The following VPS13B variants were observed in gnomAD, a reference collection of about 807,000 sequenced individuals.
VPS13B encodes vacuolar protein sorting 13 homolog B, also known as intermembrane lipid transfer protein VPS13B.
VPS13B carries 285 observed loss-of-function variants against 426.4 expected under a neutral mutation model. The ratio of observed to expected loss-of-function variants is 0.67; its 90% confidence interval spans 0.61 to 0.74. VPS13B has a LOEUF of 0.74. Among genes scored for constraint, VPS13B ranks in the 30% least tolerant of loss-of-function variants. VPS13B has a pLI of 0.00. For synonymous variants in VPS13B, 1,676 were observed against 1,676.4 expected, an observed-to-expected ratio of 1.00 and a Z score of 0.01; for missense variants, 4,537 against 4,782.6, an observed-to-expected ratio of 0.95 and a Z score of 1.51.
At chr8:99,764,339 C>A (rs1039914091) in intron 39 of VPS13B, among the ~76,000 whole-genome samples, 1 of 151,900 alleles carries the variant, frequency 6.6e-6, no homozygotes, top group Non-Finnish European at 1.5e-5. Context: ...ATAGGATTAA[C>A]CCACATGTTC....
intron 32 of VPS13B, 93 bp from the exon 33 acceptor site, chr8:99,577,397 C>A: frequency 1.3e-6 from 2 of 1,569,134 alleles, no homozygotes; most frequent in Non-Finnish European, 1.7e-6. Flanking sequence ...GGAAATGTCA[C>A]CAAAGTAGTG....
At position 99,732,125 on chromosome 8, in the gene VPS13B, A is replaced by G. The variant is rs1290552214; in HGVS notation, c.7050+11078A>G. On this transcript the variant is annotated intron_variant, in intron 39 of 61. Coordinates refer to ENST00000357162, the MANE Select transcript of VPS13B (RefSeq NM_152564.5). Reference sequence around the variant, plus strand: ...GACACTGCTGGGGCTTTTCAGCTCTATGTCAATTAGTATTAGGTTTAGATA... The same window carrying G: ...GACACTGCTGGGGCTTTTCAGCTCTGTGTCAATTAGTATTAGGTTTAGATA... Among the ~76,000 whole-genome samples the G allele has an allele frequency of 3.9e-5, 6 of 152,350 alleles. No individual in the cohort carries two copies. In the East Asian group the frequency reaches 1.2e-3, roughly 29 times the overall value.
At chr8:99,050,532 T>C (rs1587964576) in intron 3 of VPS13B, among the ~76,000 whole-genome samples, 1 of 152,238 alleles carries the variant, frequency 6.6e-6, no homozygotes, top group Non-Finnish European at 1.5e-5. Flanking sequence ...TGATTTATAA[T>C]ACTTTGGGCA....
At chr8:99,594,295 T>C (rs1445424496) in intron 33 of VPS13B, among the ~76,000 whole-genome samples, 3 of 151,944 alleles carry the variant, frequency 2.0e-5, no homozygotes, top group Non-Finnish European at 4.4e-5. Flanking sequence ...GCCTTGGACA[T>C]GTTACTTTAA....
intron 21 of VPS13B, among the ~76,000 whole-genome samples, chr8:99,421,948 C>G (rs770098507): frequency 3.9e-5 from 6 of 152,060 alleles, no homozygotes; most frequent in Non-Finnish European, 7.4e-5. Context: ...TCCCAAGGTG[C>G]TGGGATTACA....
chr8:99,090,545 T>G (rs1167918718), intron 3 of VPS13B, among the ~76,000 whole-genome samples: 2 of 152,232 alleles, frequency 1.3e-5, no homozygotes, highest in Admixed American at 1.3e-4. Flanking sequence ...ATTATAGGTG[T>G]GAGCCACCAT....
At chr8:99,333,708 C>T (rs1810667810) in intron 19 of VPS13B, among the ~76,000 whole-genome samples, 1 of 151,896 alleles carries the variant, frequency 6.6e-6, no homozygotes. Context: ...TAACCACTGG[C>T]ATCTACTAAT....
intron 33 of VPS13B, among the ~76,000 whole-genome samples, chr8:99,579,887 G>A (rs980956909): frequency 2.6e-5 from 4 of 151,578 alleles, no homozygotes; most frequent in South Asian, 2.1e-4. Flanking sequence ...TAGTAGAGAC[G>A]TGATTTCACA....
chr8:99,340,684 T>C, intron 19 of VPS13B: 4 of 390,848 alleles, frequency 1.0e-5, no homozygotes, highest in Admixed American at 6.2e-5. Flanking sequence ...TTGAAGATGA[T>C]GCACAGGTGT....
At chr8:99,858,684 C>CAA (rs796946310) in intron 56 of VPS13B, among the ~76,000 whole-genome samples, 1 of 141,934 alleles carries the variant, frequency 7.0e-6, no homozygotes. Context: ...GACTCGATCT[C>CAA]AAAAAAAAAA....
Position 99,561,454 on chromosome 8 carries a change from G to C in VPS13B, c.4949+4801G>C, listed in dbSNP as rs574040780. ...TGTAAGTGATCTATGATTTATAATG[G>C]GTCAATTTAAGATTTTTCAACTTTA... On this transcript the variant is annotated intron_variant, in intron 31 of 61. Coordinates refer to ENST00000357162, the MANE Select transcript of VPS13B (RefSeq NM_152564.5). Among the ~76,000 whole-genome samples the C allele has an allele frequency of 2.0e-5, 3 of 152,108 alleles. No homozygotes were observed. In the South Asian group the frequency reaches 6.2e-4, roughly 32 times the overall value.
rs2130916876 is a variant in VPS13B, at chr8:99,853,616, G to A, written c.10227G>A (p.Glu3409=). ...APGAGPLPGE[E]PVAALFELYC... is the part of the protein sequence containing the mutation. ...GAGCTGGTCCCCTCCCTGGGGAAGA[G>A]CCTGTGGCTGCGTTGTTTGAACTTT... The change falls in exon 56 of 62, where the codon GAG becomes GAA. Residue 3409 remains glutamate (E), a synonymous_variant. Transcript: ENST00000357162. The A allele has an allele frequency of 6.2e-7, 1 of 1,614,174 alleles. No homozygotes were observed. Among genetic ancestry groups the A allele is most frequent in the Non-Finnish European group, 8.5e-7 (1 of 1,180,022 alleles).
intron 31 of VPS13B, among the ~76,000 whole-genome samples, chr8:99,565,220 A>G (rs893955096): frequency 1.9e-4 from 29 of 152,200 alleles, no homozygotes; most frequent in Admixed American, 3.3e-4. Context: ...TTTGATCATA[A>G]TACTTTTATT....
chr8:99,452,039 C>G (rs1038173320), intron 23 of VPS13B, among the ~76,000 whole-genome samples: 2 of 152,092 alleles, frequency 1.3e-5, no homozygotes, highest in Non-Finnish European at 2.9e-5. Flanking sequence ...TCCTTTCAGT[C>G]TTAGGGTACA....
chr8:99,370,547 C>A (rs975376901), intron 19 of VPS13B, among the ~76,000 whole-genome samples: 5 of 148,978 alleles, frequency 3.4e-5, no homozygotes, highest in Admixed American at 6.7e-5. Flanking sequence ...ATAACTTAAT[C>A]TGATTTATCC....
rs757598390 is a variant in VPS13B at position 99,817,768 on chromosome 8, G to A, written c.8326G>A (p.Glu2776Lys). 1.3e-5 allele frequency: 21 copies of A among 1,613,958 alleles called. No individual in the cohort carries two copies. Among genetic ancestry groups the A allele is most frequent in the Non-Finnish European group, 1.7e-5 (20 of 1,179,980 alleles). The change falls in exon 45 of 62, where the codon GAA (glutamate) becomes AAA (lysine). Residue 2776 changes from glutamate to lysine, a missense_variant. Glu to Lys is a moderately conservative substitution (Grantham distance 56). Around this residue, in one of 2 missense-constraint regions of VPS13B, gnomAD observed 4,311 missense variants for 4,474.3 expected, o/e 0.96. Transcript: ENST00000357162. ...DEDWSRDVCLESKAPEYSIVI... is the reference protein window; with the variant it reads ...DEDWSRDVCLKSKAPEYSIVI... Reference sequence around the variant, plus strand: ...AGACTGGTCAAGAGATGTGTGCCTGGAATCCAAAGCCCCTGAGTACAGCAT... The same window carrying A: ...AGACTGGTCAAGAGATGTGTGCCTGAAATCCAAAGCCCCTGAGTACAGCAT...
chr8:99,588,103 G>C (rs1444735871), intron 33 of VPS13B, among the ~76,000 whole-genome samples: 1 of 151,676 alleles, frequency 6.6e-6, no homozygotes, highest in Non-Finnish European at 1.5e-5. Context: ...TCTTGTTTTT[G>C]TCAGGTTTGT....
intron 58 of VPS13B, 75 bp downstream of exon 58, chr8:99,862,021 C>T: frequency 2.0e-6 from 3 of 1,475,714 alleles, no homozygotes; most frequent in Non-Finnish European, 2.7e-6. Flanking sequence ...GACTGGGCAA[C>T]TTCGCCTTCT....
intron 19 of VPS13B, among the ~76,000 whole-genome samples, chr8:99,333,747 A>G (rs1213431920): frequency 6.6e-6 from 1 of 151,928 alleles, no homozygotes; most frequent in Non-Finnish European, 1.5e-5. Flanking sequence ...TTGTCATTTC[A>G]AGAATGTTAT....
Sources: gnomAD v4.1 joint callset for allele counts (sites outside exome capture counted in the v4.1 genomes callset) on GRCh38, gnomAD v4.1.1 for gene constraint, gnomAD v4.1.1 regional missense constraint, MANE v1.5 for transcripts, NCBI Gene and HGNC (gene_info 2026-07-23, HGNC 2026-07-21) for gene names.